Variants in PRKACB observed in about 807,000 individuals in gnomAD.
The protein encoded by PRKACB is cAMP-dependent protein kinase catalytic subunit beta.
In PRKACB, 16 loss-of-function variants were observed where a neutral mutation model predicts 51.4. The ratio of observed to expected loss-of-function variants is 0.31; its 90% CI spans 0.21 to 0.47. The LOEUF is 0.47. PRKACB is among the 20% of genes least tolerant of loss of function. The pLI is 1.00. For synonymous variants in PRKACB, 147 were observed against 154.4 expected, an observed-to-expected ratio of 0.95 and a Z score of 0.35; for missense variants, 309 against 464.5, an observed-to-expected ratio of 0.67 and a Z score of 3.08.
chr1:84,214,050 T>A, intron 8 of PRKACB, 103 bp from the exon 9 acceptor site: 1 of 1,225,176 alleles, frequency 8.2e-7, no homozygotes, highest in Non-Finnish European at 1.1e-6. Context: ...ATATTTTTGT[T>A]TATATAATGG....
intron 7 of PRKACB, among the ~76,000 whole-genome samples, chr1:84,201,419 T>C (rs2101392139): frequency 6.6e-6 from 1 of 152,218 alleles, no homozygotes; most frequent in East Asian, 1.9e-4. Flanking sequence ...TTGATTTCTA[T>C]ACCTTGGGTA....
At chr1:84,101,493 T>A (rs1649347371) in intron 1 of PRKACB, among the ~76,000 whole-genome samples, 1 of 151,878 alleles carries the variant, frequency 6.6e-6, no homozygotes, top group Non-Finnish European at 1.5e-5. Context: ...GGTTTGGGGG[T>A]TGGTGGTTCA....
At chr1:84,128,014 T>TC (rs1311107428) in intron 1 of PRKACB, among the ~76,000 whole-genome samples, 2 of 144,108 alleles carry the variant, frequency 1.4e-5, no homozygotes, top group African/African-American at 5.1e-5. Context: ...TTTCTTTTTT[T>TC]TTTTTTTTTT....
chr1:84,224,019 GT>G (rs1674172087), intron 9 of PRKACB, among the ~76,000 whole-genome samples: 1 of 152,182 alleles, frequency 6.6e-6, no homozygotes, highest in South Asian at 2.1e-4. Context: ...ATGTTGGTTT[GT>G]TGGGCAGTTT....
intron 9 of PRKACB, among the ~76,000 whole-genome samples, chr1:84,214,639 C>G (rs979402016): frequency 6.6e-6 from 1 of 151,844 alleles, no homozygotes; most frequent in Non-Finnish European, 1.5e-5. Context: ...ACTATGGGTG[C>G]ATGCCATCAC....
intron 1 of PRKACB, among the ~76,000 whole-genome samples, chr1:84,175,344 A>G (rs1418284331): frequency 1.3e-5 from 2 of 151,814 alleles, no homozygotes; most frequent in African/African-American, 4.8e-5. Context: ...AAGAAAGATA[A>G]ATAAGTAGAA....
intron 9 of PRKACB, among the ~76,000 whole-genome samples, chr1:84,233,816 TA>T (rs1676181367): frequency 1.6e-5 from 2 of 121,946 alleles, no homozygotes; most frequent in South Asian, 6.3e-4. Flanking sequence ...TACATTCTTC[TA>T]AATTTTTTTC....
Position 84,118,539 on chromosome 1 carries a change from A to C in PRKACB, c.46+40168A>C, listed in dbSNP as rs181807548. 6.6e-5 allele frequency among the ~76,000 whole-genome samples: 10 copies of C among 152,314 alleles called. No individual in the cohort carries two copies. The East Asian group carries it at 1.9e-3, about 29-fold the overall frequency. On this transcript the variant is annotated intron_variant, in intron 1 of 8. Coordinates refer to the PRKACB transcript ENST00000370688. ...CTGGGTGCTGGGAATAAGAGTGACA[A>C]AAGAAAAAATCTAAGAAACAAATAT... is the stretch of plus-strand genomic sequence containing the variant.
intron 8 of PRKACB, among the ~76,000 whole-genome samples, chr1:84,210,717 C>G (rs1305851217): frequency 6.6e-6 from 1 of 152,094 alleles, no homozygotes; most frequent in Admixed American, 6.6e-5. Context: ...AGTCGCTCTT[C>G]CCATCATAGA....
At chr1:84,139,968 G>A (rs1653238080), upstream of PRKACB, among the ~76,000 whole-genome samples, 1 of 152,126 alleles carries the variant, frequency 6.6e-6, no homozygotes, top group East Asian at 1.9e-4. Flanking sequence ...GCTGAGGCAG[G>A]AGAATAGCTT....
intron 9 of PRKACB, among the ~76,000 whole-genome samples, chr1:84,221,157 T>C (rs1673643360): frequency 1.3e-5 from 2 of 152,158 alleles, no homozygotes; most frequent in Admixed American, 1.3e-4. Flanking sequence ...TTTCTGTTTC[T>C]ATCTGGTTCA....
intron 3 of PRKACB, among the ~76,000 whole-genome samples, chr1:84,183,147 C>T (rs1334012596): frequency 6.6e-6 from 1 of 151,996 alleles, no homozygotes; most frequent in Non-Finnish European, 1.5e-5. Context: ...TGACTATCCT[C>T]ACATTGACCA....
At chr1:84,128,010 T>TC (rs1468416045) in intron 1 of PRKACB, among the ~76,000 whole-genome samples, 1 of 136,754 alleles carries the variant, frequency 7.3e-6, no homozygotes, top group East Asian at 2.0e-4. Flanking sequence ...TTTTTTTCTT[T>TC]TTTTTTTTTT....
chr1:84,161,866 A>G (rs1473062238), intron 1 of PRKACB, among the ~76,000 whole-genome samples: 3 of 151,948 alleles, frequency 2.0e-5, no homozygotes, highest in African/African-American at 7.2e-5. Context: ...GAACAGAAAA[A>G]ATGTGTATTT....
intron 1 of PRKACB, among the ~76,000 whole-genome samples, chr1:84,114,618 A>G (rs1650487247): frequency 6.6e-6 from 1 of 152,156 alleles, no homozygotes; most frequent in African/African-American, 2.4e-5. Flanking sequence ...CATTGAATAT[A>G]TTCCATTTTA....
rs1553181580 is a variant in PRKACB, at chr1:84,199,077, G to GCA, written c.783+1253_783+1254insCA. Among the ~76,000 whole-genome samples, 6 of 48,846 alleles carry GCA rather than the reference G, an allele frequency of 1.2e-4. No homozygotes were observed. In the East Asian group the frequency reaches 2.0e-3, roughly 16 times the overall value. The allele number at this position is 48,846 out of a possible 152,430, so 32.0% of individuals were successfully genotyped here. On this transcript the variant is annotated intron_variant, in intron 7 of 9. Transcript: ENST00000370685. ...TATATATGCGTATATATGCATATAT[G>GCA]TATATATATGCGTATATATGCATAT...
chr1:84,094,005 C>T (rs186159465), intron 1 of PRKACB, among the ~76,000 whole-genome samples: 53 of 151,972 alleles, frequency 3.5e-4, no homozygotes, highest in African/African-American at 1.3e-3. Context: ...TTTATAGATA[C>T]ATTTAGATTT....
chr1:84,230,272 G>C (rs909332855), intron 9 of PRKACB, among the ~76,000 whole-genome samples: 12 of 151,778 alleles, frequency 7.9e-5, no homozygotes, highest in African/African-American at 2.7e-4. Flanking sequence ...TGAGGGCTCT[G>C]TTCTGTTCCA....
chr1:84,100,372 A>G (rs1649258156), intron 1 of PRKACB, among the ~76,000 whole-genome samples: 1 of 152,172 alleles, frequency 6.6e-6, no homozygotes, highest in Non-Finnish European at 1.5e-5. Flanking sequence ...CATATCAAAT[A>G]TATTTATATT....
Sources: allele counts gnomAD v4.1 joint callset (sites outside exome capture counted in the v4.1 genomes callset), GRCh38; gene constraint gnomAD v4.1.1; transcripts MANE v1.5; gene names NCBI Gene and HGNC (gene_info 2026-07-23, HGNC 2026-07-21).